Variants in GOLM1 observed in about 807,000 individuals in gnomAD.
GOLM1 encodes the protein golgi membrane protein 1.
Under a neutral mutation model 50.5 loss-of-function variants are expected in GOLM1, and 31 were observed. The observed-to-expected ratio is 0.61, with a 90% CI of 0.46 to 0.83. GOLM1 has a LOEUF of 0.83. Ranked by LOEUF, GOLM1 falls within the 40% of genes least tolerant of loss-of-function variation. GOLM1 has a pLI of 0.00. For missense variants in GOLM1, 491 were observed against 501.3 expected (o/e 0.98, Z 0.20); for synonymous variants, 178 against 192.8 (o/e 0.92, Z 0.64).
chr9:86,072,418 C>T (rs1834475309), intron 3 of GOLM1, among the ~76,000 whole-genome samples: 1 of 152,192 alleles, frequency 6.6e-6, no homozygotes, highest in Non-Finnish European at 1.5e-5. Context: ...ATGTCTTACA[C>T]TTGCCCACCC....
intron 5 of GOLM1, among the ~76,000 whole-genome samples, chr9:86,042,689 G>C (rs1268891287): frequency 6.6e-6 from 1 of 152,208 alleles, no homozygotes; most frequent in Non-Finnish European, 1.5e-5. Context: ...AACTAAATGA[G>C]CAGGTCGTTT....
In GOLM1 at chr9:86,033,376, C is replaced by T. The variant is rs775723170; in HGVS notation, c.1035G>A (p.Leu345=). 3 of 1,609,628 alleles carry T rather than the reference C, an allele frequency of 1.9e-6. No individual in the cohort carries two copies. The highest frequency in any genetic ancestry group is 1.7e-4 in the Middle Eastern group (1 of 6,052). ...CCATGTTGTAGTCATCTTCTCCTCT[C>T]AGTTTCTGCTGGTTTCTCCCTGTAA... ...AAGEGRNQQK[L]RGEDDYNMDE... Residue 345 remains leucine (L), a synonymous_variant, in exon 9 of 10, where the codon CTG becomes CTA. Coordinates refer to ENST00000388712, the MANE Select transcript of GOLM1 (RefSeq NM_016548.4).
chr9:86,035,028 C>A (rs1391662536), intron 8 of GOLM1: 1 of 985,290 alleles, frequency 1.0e-6, no homozygotes, highest in South Asian at 4.7e-5. Context: ...AGACACTGCA[C>A]GACGGTGGAC....
intron 1 of GOLM1, among the ~76,000 whole-genome samples, chr9:86,093,183 C>T (rs1835237369): frequency 6.6e-6 from 1 of 152,038 alleles, no homozygotes; most frequent in Non-Finnish European, 1.5e-5. Flanking sequence ...AATTTGAGGC[C>T]AGCCTGGCCA....
rs1391387282 is a variant in GOLM1 at position 86,033,492 on chromosome 9, C to T, written c.1016-97G>A. The T allele has an allele frequency of 5.4e-6, 4 of 739,596 alleles. No individual in the cohort carries two copies. In the African/African-American group the frequency reaches 6.9e-5, roughly 13 times the overall value. The allele number at this position is 739,596 out of a possible 1,614,324, so 45.8% of individuals were successfully genotyped here. On this transcript the variant is annotated intron_variant, in intron 8 of 9. Coordinates refer to ENST00000388712, the MANE Select transcript of GOLM1 (RefSeq NM_016548.4). ...GTGCTGGGGGTTAGCCATACTTGCT[C>T]ACAATCAGATCTGTCTGCTGCCTCT...
At chr9:86,038,741 A>T (rs1833233908) in intron 6 of GOLM1, among the ~76,000 whole-genome samples, 1 of 152,232 alleles carries the variant, frequency 6.6e-6, no homozygotes, top group Admixed American at 6.5e-5. Context: ...AACCGCACAC[A>T]CACAAGAATG....
In GOLM1 at chr9:86,035,459, C is replaced by T. The variant is rs907059233; in HGVS notation, c.924G>A (p.Val308=). ...CCTCCATCTCTGGATTTTCCTGGCT[C>T]ACTGACAGGGCAGCCTGCACCTGTG... ...QTPQVQAALS[V]SQENPEMEGP... Residue 308 remains valine, a synonymous_variant, in exon 8 of 10, where the codon GTG becomes GTA. Coordinates refer to ENST00000388712, the MANE Select transcript of GOLM1 (RefSeq NM_016548.4). 3 of 1,613,882 alleles carry T rather than the reference C, an allele frequency of 1.9e-6. No homozygotes were observed. In the African/African-American group the frequency reaches 4.0e-5, roughly 22 times the overall value.
At chr9:86,081,282 T>C (rs1342934913) in intron 1 of GOLM1, among the ~76,000 whole-genome samples, 4 of 151,094 alleles carry the variant, frequency 2.6e-5, no homozygotes, top group Admixed American at 1.3e-4. Flanking sequence ...CTACAACCTC[T>C]GCCTCCCGGG....
chr9:86,068,927 T>TG lies in GOLM1; in HGVS notation c.309+8484dup, dbSNP rs573330851. On this transcript the variant is annotated intron_variant, in intron 3 of 9. Transcript: ENST00000388712. ...TACCTCTCAGTGTCTACTTACAAAG[T>TG]GGTTGCCTCAACTAAGATAGTAAGG... Among the ~76,000 whole-genome samples, 31 of 152,140 alleles carry TG rather than the reference T, an allele frequency of 2.0e-4. No individual in the cohort carries two copies. The East Asian group carries it at 5.6e-3, about 27-fold the overall frequency.
chr9:86,040,696 A>T lies in GOLM1; in HGVS notation c.597+43T>A. The T allele has an allele frequency of 1.9e-6, 3 of 1,583,456 alleles. No homozygotes were observed. In the East Asian group the frequency reaches 6.7e-5, roughly 35 times the overall value. ...TAAAAGAAACAAAATGCCTGAAGAT[A>T]GGGGTACCTTCTAGAAACTCTTGGC... is the stretch of plus-strand genomic sequence containing the variant. On this transcript the variant is annotated intron_variant, in intron 6 of 9. Transcript: ENST00000388712.
intron 3 of GOLM1, among the ~76,000 whole-genome samples, chr9:86,056,697 G>A (rs937613247): frequency 4.6e-5 from 7 of 151,796 alleles, no homozygotes; most frequent in Non-Finnish European, 1.0e-4. Flanking sequence ...GTAGAGACAG[G>A]GTTTCACCAT....
At chr9:86,096,839 A>G (rs1002773223) in intron 1 of GOLM1, among the ~76,000 whole-genome samples, 3 of 152,202 alleles carry the variant, frequency 2.0e-5, no homozygotes, top group African/African-American at 7.2e-5. Flanking sequence ...CACATACAGA[A>G]GAGTGTTAAA....
intron 3 of GOLM1, among the ~76,000 whole-genome samples, chr9:86,057,584 G>A (rs1274221942): frequency 1.3e-5 from 2 of 152,196 alleles, no homozygotes; most frequent in African/African-American, 4.8e-5. Context: ...TGCTGCCTTC[G>A]GTTCCTTGTC....
intron 1 of GOLM1, among the ~76,000 whole-genome samples, chr9:86,093,406 A>C (rs1835247569): frequency 6.6e-6 from 1 of 151,436 alleles, no homozygotes; most frequent in Non-Finnish European, 1.5e-5. Flanking sequence ...AAACAACAAC[A>C]AAAAAACCCC....
At chr9:86,064,220 T>G (rs1331836999) in intron 3 of GOLM1, among the ~76,000 whole-genome samples, 1 of 152,262 alleles carries the variant, frequency 6.6e-6, no homozygotes, top group South Asian at 2.1e-4. Flanking sequence ...AGTTTAATTA[T>G]AAACCTGTAT....
chr9:86,096,853 GTTT>G (rs914203941), intron 1 of GOLM1, among the ~76,000 whole-genome samples: 2 of 151,968 alleles, frequency 1.3e-5, no homozygotes, highest in African/African-American at 4.8e-5. Flanking sequence ...TGTTAAAAAA[GTTT>G]TTTTATTACT....
intron 2 of GOLM1, 47 bp downstream of exon 2, chr9:86,079,141 TAAAC>T (rs1432598542): frequency 7.6e-6 from 11 of 1,449,838 alleles, no homozygotes; most frequent in East Asian, 5.0e-5. Context: ...CATAACAAAA[TAAAC>T]AAAACATAAA....
At chr9:86,074,933 G>A (rs11141212) in intron 3 of GOLM1, among the ~76,000 whole-genome samples, 5,829 of 152,204 alleles carry the variant, frequency 0.038, 294 homozygotes, top group East Asian at 0.27. Context: ...AATCTGCTAC[G>A]GTCTGAGTGT....
rs1835144261 is a variant in GOLM1, at chr9:86,090,547, C to T, written c.-22+8864G>A. On this transcript the variant is annotated intron_variant, in intron 1 of 9. Transcript: ENST00000388712. ...CTTTCTTTACACTGTGAGAGGAAAA[C>T]CACCTACTCCAGCCTCAGCAATGGC... is the stretch of plus-strand genomic sequence containing the variant. Among the ~76,000 whole-genome samples the T allele has an allele frequency of 3.9e-5, 6 of 152,236 alleles. No homozygotes were observed. In the South Asian group the frequency reaches 1.2e-3, roughly 32 times the overall value.
Sources: gnomAD v4.1 joint callset for allele counts (sites outside exome capture counted in the v4.1 genomes callset) on GRCh38, gnomAD v4.1.1 for gene constraint, MANE v1.5 for transcripts, NCBI Gene and HGNC (gene_info 2026-07-23, HGNC 2026-07-21) for gene names.